Variants in HTR2A observed in about 807,000 individuals in gnomAD.
HTR2A encodes the protein 5-hydroxytryptamine receptor 2A, also known as 5-HT2 receptor.
In HTR2A, 14 loss-of-function variants were observed where a neutral mutation model predicts 31.0. The ratio of observed to expected loss-of-function variants is 0.45; its 90% CI spans 0.30 to 0.71. The LOEUF (loss-of-function observed/expected upper bound fraction) is 0.71, where lower values mean the gene tolerates loss of function less well. Among genes scored for constraint, HTR2A ranks in the 30% least tolerant of loss-of-function variants. The probability of loss-of-function intolerance (pLI) is 0.09; values close to 1 mark genes in which losing one functional copy is unlikely to be tolerated. For synonymous variants in HTR2A, 209 were observed against 225.2 expected (o/e 0.93, Z 0.64); for missense variants, 442 against 573.3 (o/e 0.77, Z 2.34).
rs757096279 is a variant in HTR2A, at chr13:46,835,363, C to T, written c.890G>A (p.Arg297Gln). Residue 297 changes from arginine (R) to glutamine (Q), a missense_variant, in exon 4 of 4, where the codon CGG becomes CAG. Coordinates refer to ENST00000542664, the MANE Select transcript of HTR2A (RefSeq NM_000621.5). ...SSLSSEKLFQ[R>Q]SIHREPGSYT... Reference sequence around the variant, plus strand: ...GGACCCTGGCTCCCTATGGATCGACCGCTGGAAGAGCTTTTCTGAAGACAA... The same window carrying T: ...GGACCCTGGCTCCCTATGGATCGACTGCTGGAAGAGCTTTTCTGAAGACAA... 1.1e-5 allele frequency: 18 copies of T among 1,613,846 alleles called. No homozygotes were observed. The highest frequency in any genetic ancestry group is 4.5e-5 in the East Asian group (2 of 44,874).
At chr13:46,894,597 C>T (rs1483691005) in intron 2 of HTR2A, among the ~76,000 whole-genome samples, 3 of 152,182 alleles carry the variant, frequency 2.0e-5, no homozygotes, top group African/African-American at 7.2e-5. Flanking sequence ...CAGAAAATTT[C>T]CCTTTAAAGA....
chr13:46,852,402 G>A (rs555020128), intron 3 of HTR2A, among the ~76,000 whole-genome samples: 2 of 152,336 alleles, frequency 1.3e-5, no homozygotes, highest in Admixed American at 1.3e-4. Context: ...GGGCTCTCTC[G>A]GCTGGGCTGG....
intron 3 of HTR2A, among the ~76,000 whole-genome samples, chr13:46,867,071 A>G (rs1388637793): frequency 6.6e-6 from 1 of 152,176 alleles, no homozygotes; most frequent in Non-Finnish European, 1.5e-5. Flanking sequence ...GGTAAACTGG[A>G]TGGGGAATAG....
intron 3 of HTR2A, among the ~76,000 whole-genome samples, chr13:46,874,952 C>T (rs1020475411): frequency 6.6e-6 from 1 of 152,234 alleles, no homozygotes; most frequent in African/African-American, 2.4e-5. Context: ...TTATTCCAGA[C>T]AGGATTGAAC....
chr13:46,834,892 T>A lies in HTR2A; in HGVS notation c.1361A>T (p.Glu454Val). The A allele has an allele frequency of 6.2e-7, 1 of 1,614,068 alleles. No homozygotes were observed. The highest frequency in any genetic ancestry group is 8.5e-7 in the Non-Finnish European group (1 of 1,179,960). Residue 454 changes from glutamate to valine, a missense_variant, in exon 4 of 4, where the codon GAA (glutamate) becomes GTA (valine). Glu to Val is a moderately radical substitution (Grantham distance 121). Around this residue, in one of 5 missense-constraint regions of HTR2A, gnomAD observed 88 missense variants for 83.1 expected, o/e 1.06. Transcript: ENST00000542664. Reference sequence around the variant, plus strand: ...GTCGCTATTGTCTTTAGAAGCCTCTTCAGAATGCTGCTTTCCTAGAGCAAC... The same window carrying A: ...GTCGCTATTGTCTTTAGAAGCCTCTACAGAATGCTGCTTTCCTAGAGCAAC... ...SMVALGKQHS[E>V]EASKDNSDGV...
At chr13:46,865,270 G>A (rs1438003115) in intron 3 of HTR2A, among the ~76,000 whole-genome samples, 1 of 152,194 alleles carries the variant, frequency 6.6e-6, no homozygotes, top group Non-Finnish European at 1.5e-5. Context: ...CAAGTAGATT[G>A]TCTTAAAAGT....
At position 46,887,150 on chromosome 13, in the gene HTR2A, T is replaced by C. The variant is rs569587658; in HGVS notation, c.613+5240A>G. ...AGAATTACCAGGCGGCCAGGCGCAGTGGCTCATGCCTGTAATCCCGGCACT... is the reference window on the plus strand; with the variant it reads ...AGAATTACCAGGCGGCCAGGCGCAGCGGCTCATGCCTGTAATCCCGGCACT... On this transcript the variant is annotated intron_variant, in intron 3 of 3. Coordinates refer to ENST00000542664, the MANE Select transcript of HTR2A (RefSeq NM_000621.5). Among the ~76,000 whole-genome samples, 22 of 152,254 alleles carry C rather than the reference T, an allele frequency of 1.4e-4. No individual in the cohort carries two copies. In the South Asian group the frequency reaches 3.7e-3, roughly 26 times the overall value.
intron 3 of HTR2A, among the ~76,000 whole-genome samples, chr13:46,881,542 G>C (rs1237864977): frequency 1.3e-5 from 2 of 152,214 alleles, no homozygotes; most frequent in Non-Finnish European, 2.9e-5. Context: ...AGGAGAGAAA[G>C]TGAAAAGATA....
At chr13:46,897,808 C>T (rs556101451), upstream of HTR2A, among the ~76,000 whole-genome samples, 2 of 152,190 alleles carry the variant, frequency 1.3e-5, no homozygotes, top group South Asian at 4.1e-4. Flanking sequence ...AAGTCTGTAC[C>T]TTCATAGCTG....
At chr13:46,867,948 G>C (rs1950831772) in intron 3 of HTR2A, among the ~76,000 whole-genome samples, 1 of 152,126 alleles carries the variant, frequency 6.6e-6, no homozygotes, top group Admixed American at 6.5e-5. Flanking sequence ...TTTTTGTCCT[G>C]AGTGAAGCAC....
intron 3 of HTR2A, among the ~76,000 whole-genome samples, chr13:46,881,879 G>A (rs1950966894): frequency 6.6e-6 from 1 of 152,110 alleles, no homozygotes; most frequent in Non-Finnish European, 1.5e-5. Flanking sequence ...TTACTCAGTT[G>A]ATTTATTTTT....
chr13:46,896,921 T>G lies in HTR2A; in HGVS notation c.-576A>C, dbSNP rs1593448442. ...CTGGGTTCCTCCCTCCCTGTGCGGCTCGCCTCAGCAGGCACACATTTAGAA... is the reference window on the plus strand; with the variant it reads ...CTGGGTTCCTCCCTCCCTGTGCGGCGCGCCTCAGCAGGCACACATTTAGAA... On this transcript the variant is annotated 5_prime_UTR_variant, in exon 1 of 4. Transcript: ENST00000542664. 8.9e-7 allele frequency: 1 copy of G among 1,117,714 alleles called. No homozygotes were observed. Among genetic ancestry groups the G allele is most frequent in the Non-Finnish European group, 1.3e-6 (1 of 783,818 alleles). The allele number at this position is 1,117,714 out of a possible 1,614,324, so 69.2% of individuals were successfully genotyped here.
intron 3 of HTR2A, among the ~76,000 whole-genome samples, chr13:46,869,205 T>C (rs1218117596): frequency 6.6e-6 from 1 of 152,140 alleles, no homozygotes; most frequent in Non-Finnish European, 1.5e-5. Context: ...GGGTTTAATG[T>C]CCAGAACATA....
At chr13:46,848,575 C>T (rs770809514) in intron 3 of HTR2A, among the ~76,000 whole-genome samples, 36 of 152,256 alleles carry the variant, frequency 2.4e-4, no homozygotes, top group Non-Finnish European at 2.1e-4. Flanking sequence ...TTCATCCTCA[C>T]GAGGAACTCA....
chr13:46,869,752 G>A (rs1950850275), intron 3 of HTR2A, among the ~76,000 whole-genome samples: 1 of 152,058 alleles, frequency 6.6e-6, no homozygotes, highest in Non-Finnish European at 1.5e-5. Context: ...GTTCTGATAT[G>A]TACTATACTA....
At chr13:46,839,689 G>A (rs1421081495) in intron 3 of HTR2A, among the ~76,000 whole-genome samples, 2 of 152,140 alleles carry the variant, frequency 1.3e-5, no homozygotes, top group African/African-American at 4.8e-5. Context: ...ATCAGTATTA[G>A]ATCCTCTATG....
At chr13:46,897,591 C>G (rs1466959633), upstream of HTR2A, among the ~76,000 whole-genome samples, 2 of 152,122 alleles carry the variant, frequency 1.3e-5, no homozygotes, top group East Asian at 3.8e-4. Flanking sequence ...TTTTTTTCCC[C>G]CACCAGTAAT....
chr13:46,835,557 A>T lies in HTR2A; in HGVS notation c.696T>A (p.Asp232Glu). ...FKEGSCLLADDNFVLIGSFVS... is the reference protein window; with the variant it reads ...FKEGSCLLADENFVLIGSFVS... ...CAAAAGAGCCGATCAGGACAAAGTT[A>T]TCATCGGCGAGTAAGCAACTCCCCT... The change falls in exon 4 of 4, where the codon GAT becomes GAA. Residue 232 changes from aspartate to glutamate, a missense_variant. Asp to Glu is a conservative substitution (Grantham distance 45). This residue lies in a region of HTR2A where 174 missense variants were observed against 195.1 expected (regional missense o/e 0.89). Transcript: ENST00000542664. 6.2e-7 allele frequency: 1 copy of T among 1,614,058 alleles called. No homozygotes were observed. Among genetic ancestry groups the T allele is most frequent in the Non-Finnish European group, 8.5e-7 (1 of 1,179,932 alleles).
rs1876432971 is a variant in HTR2A, at chr13:46,835,747, A to T, written c.614-108T>A. On this transcript the variant is annotated intron_variant, in intron 3 of 3. Transcript: ENST00000542664. Reference sequence around the variant, plus strand: ...TTGAAAAGATTTTATATCATCGTTTAAAAGCTTAACATACTTTGAGAATTT... The same window carrying T: ...TTGAAAAGATTTTATATCATCGTTTTAAAGCTTAACATACTTTGAGAATTT... The T allele has an allele frequency of 1.4e-5, 11 of 797,716 alleles. No homozygotes were observed. In the South Asian group the frequency reaches 1.8e-4, roughly 13 times the overall value. 49.4% of individuals were successfully genotyped at this position (797,716 alleles called of 1,614,324 possible). A position where few individuals can be genotyped will look rare whatever the true frequency, so the allele number is the denominator to read the frequency against.
Sources: allele counts gnomAD v4.1 joint callset (sites outside exome capture counted in the v4.1 genomes callset), GRCh38; gene constraint gnomAD v4.1.1; regional missense constraint gnomAD v4.1.1; transcripts MANE v1.5; gene names NCBI Gene and HGNC (gene_info 2026-07-23, HGNC 2026-07-21).